Variants in NEURL1 observed in about 807,000 individuals in gnomAD.
NEURL1 encodes the protein neuralized E3 ubiquitin protein ligase 1.
A neutral mutation model predicts 41.2 loss-of-function variants in NEURL1; 26 were observed. That is an observed-to-expected ratio of 0.63 (90% CI 0.46 to 0.87). The LOEUF is 0.87. Ranked by LOEUF, NEURL1 falls within the 40% of genes least tolerant of loss-of-function variation. The pLI is 0.00. For missense variants in NEURL1, 761 were observed against 871.1 expected (o/e 0.87, Z 1.59); for synonymous variants, 400 against 402.3 (o/e 0.99, Z 0.07).
intron 1 of NEURL1, among the ~76,000 whole-genome samples, chr10:103,502,067 C>T (rs2033838647): frequency 6.6e-6 from 1 of 152,170 alleles, no homozygotes; most frequent in South Asian, 2.1e-4. Context: ...GTGCCAGGCT[C>T]TTATTATTCC....
At position 103,566,980 on chromosome 10, in the gene NEURL1, T is replaced by C. The variant is rs1287036497; in HGVS notation, c.86-3892T>C. The stretch of plus-strand genomic sequence containing the variant: ...AGGAAACTTTGTTTCTTTTCTTTCT[T>C]TCTTTTTTTTTTTTTTGTTTGAGAC... On this transcript the variant is annotated intron_variant, in intron 1 of 5. Transcript: ENST00000369780. The surrounding 1 kb of genome is among the most constrained non-coding windows in gnomAD (Gnocchi z 4.2). Among the ~76,000 whole-genome samples the C allele has an allele frequency of 6.6e-6, 1 of 151,270 alleles. No homozygotes were observed. The highest frequency in any genetic ancestry group is 2.5e-5 in the African/African-American group (1 of 40,798).
rs75742657 is a variant in NEURL1, at chr10:103,541,176, G to C, written c.86-29696G>C. On this transcript the variant is annotated intron_variant, in intron 1 of 5. Coordinates refer to ENST00000369780, the MANE Select transcript of NEURL1 (RefSeq NM_004210.5). ...GGAAGGGACACACAACTGGGTAGTA[G>C]TAGTCCAGGCATGAGGTGATGCAGG... Among the ~76,000 whole-genome samples, 682 of 152,350 alleles carry C rather than the reference G, an allele frequency of 4.5e-3. 3 individuals are homozygous for C. Among genetic ancestry groups the C allele is most frequent in the Admixed American group, 6.5e-3 (99 of 15,298 alleles).
At chr10:103,552,869 A>G (rs1194832006) in intron 1 of NEURL1, among the ~76,000 whole-genome samples, 1 of 152,224 alleles carries the variant, frequency 6.6e-6, no homozygotes, top group Admixed American at 6.5e-5. Flanking sequence ...TCAGGAGCTC[A>G]GAGGAAATAT....
At chr10:103,534,088 T>C (rs1318136962) in intron 1 of NEURL1, among the ~76,000 whole-genome samples, 1 of 152,096 alleles carries the variant, frequency 6.6e-6, no homozygotes, top group Non-Finnish European at 1.5e-5. Context: ...GGACTTCTGT[T>C]TGTTTCTTTT....
chr10:103,496,363 C>T (rs1177676112), intron 1 of NEURL1, among the ~76,000 whole-genome samples: 5 of 152,058 alleles, frequency 3.3e-5, no homozygotes, highest in African/African-American at 4.8e-5. Context: ...CACAGTATAA[C>T]GACAGAATAC....
chr10:103,515,610 C>T (rs1163422779), intron 1 of NEURL1, among the ~76,000 whole-genome samples: 1 of 152,240 alleles, frequency 6.6e-6, no homozygotes, highest in Non-Finnish European at 1.5e-5. Flanking sequence ...GTCAGTGAGA[C>T]TCTCATTTGC....
At chr10:103,497,880 A>G (rs2033724079) in intron 1 of NEURL1, among the ~76,000 whole-genome samples, 1 of 152,252 alleles carries the variant, frequency 6.6e-6, no homozygotes, top group South Asian at 2.1e-4. Flanking sequence ...AAACCCAGAT[A>G]TGTGGGCAGA....
Position 103,508,676 on chromosome 10 carries a change from A to G in NEURL1, c.85+14204A>G, listed in dbSNP as rs981889490. On this transcript the variant is annotated intron_variant, in intron 1 of 5. Coordinates refer to ENST00000369780, the MANE Select transcript of NEURL1 (RefSeq NM_004210.5). The surrounding 1 kb of genome is among the most constrained non-coding windows in gnomAD (Gnocchi z 4.3). ...GACTGAGGAGACCAGCCAGACATGC[A>G]GACCCTGATGTGGGCCCAGGGGTTG... is the stretch of plus-strand genomic sequence containing the variant. 2.0e-5 allele frequency among the ~76,000 whole-genome samples: 3 copies of G among 152,192 alleles called. No homozygotes were observed. Among genetic ancestry groups the G allele is most frequent in the Non-Finnish European group, 2.9e-5 (2 of 68,030 alleles).
At chr10:103,528,852 G>A (rs966716804) in intron 1 of NEURL1, among the ~76,000 whole-genome samples, 17 of 151,636 alleles carry the variant, frequency 1.1e-4, no homozygotes, top group African/African-American at 2.9e-4. Context: ...GGCAAGTGTT[G>A]GAACCAAGGA....
intron 1 of NEURL1, among the ~76,000 whole-genome samples, chr10:103,569,056 C>T (rs907259733): frequency 2.0e-5 from 3 of 152,198 alleles, no homozygotes; most frequent in African/African-American, 7.2e-5. Context: ...CTCAGGTAAT[C>T]CACCCTCTTT....
chr10:103,551,357 C>T (rs1426445149), intron 1 of NEURL1, among the ~76,000 whole-genome samples: 1 of 142,134 alleles, frequency 7.0e-6, no homozygotes, highest in Non-Finnish European at 1.5e-5. Flanking sequence ...GGCTGGACTG[C>T]AGTGGCACAA....
chr10:103,513,599 C>T (rs2133850803), intron 1 of NEURL1, among the ~76,000 whole-genome samples: 1 of 152,312 alleles, frequency 6.6e-6, no homozygotes, highest in South Asian at 2.1e-4. Flanking sequence ...CCAACTCTGT[C>T]AGTTCACAGA....
At position 103,589,696 on chromosome 10, in the gene NEURL1, T is replaced by C. The variant is rs2035998440; in HGVS notation, c.1486+36T>C. 3 of 1,582,246 alleles carry C rather than the reference T, an allele frequency of 1.9e-6. No homozygotes were observed. The East Asian group carries it at 6.8e-5, about 36-fold the overall frequency. On this transcript the variant is annotated intron_variant, in intron 5 of 5. Coordinates refer to ENST00000369780, the MANE Select transcript of NEURL1 (RefSeq NM_004210.5). ...TGGCTCCTCTGTTCCTTGGTGACCA[T>C]GTGGGACTGCAGCAAGGATGCAGCC... is the stretch of plus-strand genomic sequence containing the variant.
At chr10:103,506,330 G>A (rs1361624171) in intron 1 of NEURL1, among the ~76,000 whole-genome samples, 2 of 152,164 alleles carry the variant, frequency 1.3e-5, no homozygotes, top group African/African-American at 4.8e-5. Context: ...AGGCACTCTG[G>A]CCCAATCAGG....
At chr10:103,584,314 A>G (rs574304151) in intron 3 of NEURL1, among the ~76,000 whole-genome samples, 1 of 152,314 alleles carries the variant, frequency 6.6e-6, no homozygotes, top group East Asian at 1.9e-4. Context: ...AAGCATCCAC[A>G]TGGTTTCAGT....
intron 1 of NEURL1, among the ~76,000 whole-genome samples, chr10:103,563,402 G>T (rs1260642317): frequency 1.3e-5 from 2 of 152,172 alleles, no homozygotes; most frequent in Non-Finnish European, 2.9e-5. Flanking sequence ...CCTGGTCAGG[G>T]TTTGAACCCA....
At chr10:103,580,245 A>C (rs1412628708) in intron 3 of NEURL1, among the ~76,000 whole-genome samples, 1 of 152,186 alleles carries the variant, frequency 6.6e-6, no homozygotes, top group African/African-American at 2.4e-5. Context: ...TTCTTTCCTG[A>C]ATGATGGGAC....
intron 1 of NEURL1, among the ~76,000 whole-genome samples, chr10:103,557,505 T>C (rs975258157): frequency 6.6e-6 from 1 of 152,174 alleles, no homozygotes; most frequent in African/African-American, 2.4e-5. Context: ...ACATCTGCCT[T>C]GACCTCCACC....
intron 1 of NEURL1, among the ~76,000 whole-genome samples, chr10:103,510,429 G>A (rs1012392117): frequency 2.6e-5 from 4 of 152,156 alleles, no homozygotes; most frequent in African/African-American, 4.8e-5. Context: ...TGTGCTGAGC[G>A]GCCCCTGGGG....
Sources: allele counts gnomAD v4.1 joint callset (sites outside exome capture counted in the v4.1 genomes callset), GRCh38; gene constraint gnomAD v4.1.1; non-coding constraint Gnocchi (gnomAD v3.1); transcripts MANE v1.5; gene names NCBI Gene and HGNC (gene_info 2026-07-23, HGNC 2026-07-21).